XPNPEP2: variants seen among roughly 807,000 people sequenced by gnomAD.
XPNPEP2 encodes the protein X-prolyl aminopeptidase 2.
In XPNPEP2, 64 loss-of-function variants were observed where a neutral mutation model predicts 59.8. That is an observed-to-expected ratio of 1.07 (90% CI 0.87 to 1.32). The LOEUF is 1.32. Ranked by LOEUF, XPNPEP2 falls within the 40% of genes most tolerant of loss-of-function variation. XPNPEP2 has a pLI of 0.00. For synonymous variants in XPNPEP2, 235 were observed against 210.0 expected (o/e 1.12, Z -1.03); for missense variants, 575 against 546.8 (o/e 1.05, Z -0.51).
intron 11 of XPNPEP2, among the ~76,000 whole-genome samples, chrX:129,753,853 C>T (rs1385332530): frequency 9.0e-6 from 1 of 110,934 alleles, no homozygotes; most frequent in Non-Finnish European, 1.9e-5. Flanking sequence ...TCAGTTACCC[C>T]ATCTGTAAAA....
At chrX:129,751,900 C>T (rs1325202789) in intron 9 of XPNPEP2, 74 bp downstream of exon 9, 9 of 1,047,606 alleles carry the variant, frequency 8.6e-6, no homozygotes, top group African/African-American at 5.5e-5. Context: ...CCACTGATCC[C>T]GCCTTAATAT....
In XPNPEP2 at chrX:129,746,410, G is replaced by C. The variant is rs1926297880; in HGVS notation, c.403+70G>C. 6.7e-6 allele frequency: 7 copies of C among 1,050,521 alleles called. No homozygotes were observed. The Middle Eastern group carries it at 7.7e-4, about 115-fold the overall frequency. 86.6% of individuals were successfully genotyped at this position (1,050,521 alleles called of 1,213,427 possible). A position where few individuals can be genotyped will look rare whatever the true frequency, so the allele number is the denominator to read the frequency against. ...ACTAGGTTCAGGAAGGTATAGGTGA[G>C]AGCGTGCATGTAAGACCATGCTGGG... On this transcript the variant is annotated intron_variant, in intron 5 of 20. Transcript: ENST00000371106.
At chrX:129,740,927 G>C (rs1385196256) in intron 1 of XPNPEP2, among the ~76,000 whole-genome samples, 1 of 97,886 alleles carries the variant, frequency 1.0e-5, no homozygotes, top group Non-Finnish European at 2.0e-5. Context: ...GGGTGACAGA[G>C]AGACTCTGTC....
At position 129,752,185 on chromosome X, in the gene XPNPEP2, C is replaced by A. The variant is rs1926432891; in HGVS notation, c.857C>A (p.Thr286Asn). The A allele has an allele frequency of 1.2e-5, 14 of 1,184,549 alleles. No homozygotes were observed. The highest frequency in any genetic ancestry group is 1.6e-5 in the Non-Finnish European group (14 of 878,955). The change falls in exon 10 of 21, where the codon ACC (threonine) becomes AAC (asparagine). Residue 286 changes from threonine (T) to asparagine (N), a missense_variant. Physicochemically the swap from Thr to Asn is moderately conservative, Grantham distance 65 (BLOSUM62 0). Transcript: ENST00000371106. ...FANKSRFSSE[T>N]LSYLNSSCTG... Reference sequence around the variant, plus strand: ...AACAAGAGTCGCTTTAGCTCCGAAACCTTGAGCTATCTGAACTCCAGTTGC... The same window carrying A: ...AACAAGAGTCGCTTTAGCTCCGAAAACTTGAGCTATCTGAACTCCAGTTGC...
chrX:129,747,880 G>A, intron 7 of XPNPEP2, 127 bp downstream of exon 7: 1 of 980,053 alleles, frequency 1.0e-6, no homozygotes, highest in Non-Finnish European at 1.4e-6. Flanking sequence ...GCATGCACCT[G>A]AGTCACCTGG....
At chrX:129,763,510 A>T (rs886595255) in intron 19 of XPNPEP2, among the ~76,000 whole-genome samples, 6 of 110,930 alleles carry the variant, frequency 5.4e-5, no homozygotes, top group African/African-American at 2.0e-4. Context: ...TCAACAAAAA[A>T]TACAAAAAAA....
intron 14 of XPNPEP2, among the ~76,000 whole-genome samples, chrX:129,757,073 T>TACACAC (rs752092311): frequency 1.2e-5 from 1 of 83,688 alleles, no homozygotes; most frequent in Admixed American, 1.3e-4. Context: ...TACACACACA[T>TACACAC]ACACACACAC....
At chrX:129,756,603 C>T in intron 14 of XPNPEP2, 48 bp downstream of exon 14, 1 of 1,134,654 alleles carries the variant, frequency 8.8e-7, no homozygotes, top group Non-Finnish European at 1.2e-6. Context: ...GCTCAGACCT[C>T]CTGAGCCTGC....
chrX:129,754,492 G>T lies in XPNPEP2; in HGVS notation c.1128G>T (p.Val376=). 1 of 1,192,062 alleles carries T rather than the reference G, an allele frequency of 8.4e-7. No individual in the cohort carries two copies. The highest frequency in any genetic ancestry group is 1.1e-6 in the Non-Finnish European group (1 of 886,573). The change falls in exon 12 of 21, where the codon GTG becomes GTT. Residue 376 remains valine (V), a synonymous_variant. Coordinates refer to ENST00000371106, the MANE Select transcript of XPNPEP2 (RefSeq NM_003399.6). The part of the protein sequence containing the change: ...KASHVRDAVA[V]IRYLVWLEKN... Reference sequence around the variant, plus strand: ...TCCAGGTGCGGGACGCTGTGGCTGTGATCCGGTACTTGGTCTGGCTGGAGA... The same window carrying T: ...TCCAGGTGCGGGACGCTGTGGCTGTTATCCGGTACTTGGTCTGGCTGGAGA...
chrX:129,744,456 A>C (rs7883798), intron 3 of XPNPEP2, among the ~76,000 whole-genome samples: 9,670 of 111,298 alleles, frequency 0.087, 855 homozygotes, highest in East Asian at 0.41. Context: ...TACTCTGTGG[A>C]ATGGAGTAGC....
In XPNPEP2 at chrX:129,752,312, T is replaced by TGA; in HGVS notation, c.984_985insGA (p.Thr329GlufsTer9). ...TGAGGATCTGGATTGGGACCAGCTA[T>TGA]ACCATGTATGGGATCTATGAAATGA... On this transcript the variant is annotated frameshift_variant, in exon 10 of 21. Coordinates refer to ENST00000371106, the MANE Select transcript of XPNPEP2 (RefSeq NM_003399.6). LOFTEE classifies it high-confidence loss of function. 1 of 1,211,811 alleles carries TGA rather than the reference T, an allele frequency of 8.3e-7. No homozygotes were observed. The highest frequency in any genetic ancestry group is 3.0e-5 in the East Asian group (1 of 33,863).
At position 129,762,740 on chromosome X, in the gene XPNPEP2, T is replaced by C; in HGVS notation, c.1710T>C (p.Asp570=). Residue 570 remains aspartate, a synonymous_variant, in exon 19 of 21, where the codon GAT becomes GAC. Coordinates refer to ENST00000371106, the MANE Select transcript of XPNPEP2 (RefSeq NM_003399.6). ...GAGAATTTGGGATCCGTCTCGAAGATGTGGCTCTCGTGGTAGAAGCAAAGA... is the reference window on the plus strand; with the variant it reads ...GAGAATTTGGGATCCGTCTCGAAGACGTGGCTCTCGTGGTAGAAGCAAAGA... The part of the protein sequence containing the change: ...KDGEFGIRLE[D]VALVVEAKTK... 8.3e-7 allele frequency: 1 copy of C among 1,211,941 alleles called. No individual in the cohort carries two copies. Among genetic ancestry groups the C allele is most frequent in the Non-Finnish European group, 1.1e-6 (1 of 895,510 alleles).
At chrX:129,744,114 G>A (rs1216506338) in intron 3 of XPNPEP2, 43 bp downstream of exon 3, 1 of 1,116,275 alleles carries the variant, frequency 9.0e-7, no homozygotes, top group Non-Finnish European at 1.2e-6. Context: ...CTGCTACCCT[G>A]GGTCAGAGAC....
chrX:129,764,905 G>A (rs755380664), intron 19 of XPNPEP2, among the ~76,000 whole-genome samples: 8 of 110,829 alleles, frequency 7.2e-5, no homozygotes, highest in Admixed American at 3.9e-4. Context: ...TGGAGGTTGC[G>A]GTGAGCCAAG....
intron 13 of XPNPEP2, 47 bp from the exon 14 acceptor site, chrX:129,756,437 C>A (rs1212595978): frequency 8.5e-7 from 1 of 1,181,020 alleles, no homozygotes; most frequent in African/African-American, 1.8e-5. Context: ...CCACGTGACC[C>A]AGTGCAGGGT....
chrX:129,751,608 A>C (rs1262772701), intron 8 of XPNPEP2, 137 bp from the exon 9 acceptor site: 1 of 250,254 alleles, frequency 4.0e-6, no homozygotes, highest in East Asian at 7.4e-5. Flanking sequence ...GGAAGGAAGG[A>C]AGGAAGGAAG....
intron 14 of XPNPEP2, among the ~76,000 whole-genome samples, chrX:129,757,796 G>GAAGAAAAA: frequency 3.0e-5 from 1 of 33,460 alleles, no homozygotes; most frequent in Middle Eastern, 0.018. Context: ...ACTATAAAAG[G>GAAGAAAAA]AAGAAAGAAA....
At chrX:129,761,709 G>A (rs1273308174) in intron 17 of XPNPEP2, among the ~76,000 whole-genome samples, 1 of 111,766 alleles carries the variant, frequency 8.9e-6, no homozygotes, top group Non-Finnish European at 1.9e-5. Context: ...CTGTAGTCCT[G>A]GCTACTCGGG....
intron 12 of XPNPEP2, 104 bp from the exon 13 acceptor site, chrX:129,755,190 G>A (rs1163515919): frequency 5.1e-6 from 4 of 781,355 alleles, no homozygotes; most frequent in Non-Finnish European, 7.6e-6. Context: ...GTCCAGTTGA[G>A]AGGTAGAGGC....
Sources: allele counts gnomAD v4.1 joint callset (sites outside exome capture counted in the v4.1 genomes callset), GRCh38; gene constraint gnomAD v4.1.1; transcripts MANE v1.5; gene names NCBI Gene and HGNC (gene_info 2026-07-23, HGNC 2026-07-21).